Variants in ABCB5 observed in about 807,000 individuals in gnomAD.
ABCB5 encodes ATP-binding cassette sub-family B member 5.
Under a neutral mutation model 144.2 loss-of-function variants are expected in ABCB5, and 155 were observed. That is an observed-to-expected ratio of 1.08 (90% CI 0.94 to 1.23). The LOEUF (loss-of-function observed/expected upper bound fraction) is 1.23. Among genes scored for constraint, ABCB5 ranks in the 50% most tolerant of loss-of-function variants. The pLI is 0.00. For missense variants in ABCB5, 1,830 were observed against 1,520.8 expected (o/e 1.20, Z -3.38); for synonymous variants, 610 against 528.6 (o/e 1.15, Z -2.11).
chr7:20,667,453 A>G, intron 14 of ABCB5: 3 of 985,276 alleles, frequency 3.0e-6, no homozygotes, highest in Non-Finnish European at 3.6e-6. Context: ...TCTAGTTGCA[A>G]CCTTTTAATT....
chr7:20,679,934 C>T (rs146346886), intron 14 of ABCB5, among the ~76,000 whole-genome samples: 1 of 152,004 alleles, frequency 6.6e-6, no homozygotes, highest in African/African-American at 2.4e-5. Flanking sequence ...GAACTGTGTA[C>T]ATATGTTCAT....
chr7:20,684,957 C>T (rs1231869475), intron 15 of ABCB5, among the ~76,000 whole-genome samples: 8 of 152,208 alleles, frequency 5.3e-5, no homozygotes, highest in Non-Finnish European at 1.0e-4. Flanking sequence ...CTGGGAAAGT[C>T]ATTGATTTAC....
At chr7:20,665,245 G>T (rs1785135774) in intron 14 of ABCB5, among the ~76,000 whole-genome samples, 1 of 152,140 alleles carries the variant, frequency 6.6e-6, no homozygotes, top group Admixed American at 6.5e-5. Context: ...GGGTCAACGA[G>T]CAGGTGAGTC....
chr7:20,723,703 A>G (rs1212714746), intron 21 of ABCB5, among the ~76,000 whole-genome samples: 3 of 152,352 alleles, frequency 2.0e-5, no homozygotes, highest in East Asian at 3.9e-4. Context: ...AAACATCATC[A>G]TTCCCCATTT....
chr7:20,685,587 T>C (rs958767622), intron 15 of ABCB5, 109 bp from the exon 16 acceptor site: 13 of 974,574 alleles, frequency 1.3e-5, no homozygotes, highest in Middle Eastern at 3.1e-4. Context: ...CATTAGAATA[T>C]GCCACTTTCA....
intron 9 of ABCB5, 137 bp downstream of exon 9, chr7:20,646,275 T>G (rs1009124150): frequency 9.6e-6 from 8 of 833,792 alleles, no homozygotes; most frequent in African/African-American, 8.7e-5. Context: ...TCAAATTATC[T>G]GTATACACCT....
chr7:20,674,418 A>G (rs1472355998), intron 14 of ABCB5, among the ~76,000 whole-genome samples: 2 of 151,830 alleles, frequency 1.3e-5, no homozygotes, highest in East Asian at 1.9e-4. Context: ...TCTTCTTTAA[A>G]TACCTTAAAG....
At chr7:20,738,299 C>G (rs1782453522) in intron 23 of ABCB5, among the ~76,000 whole-genome samples, 1 of 152,206 alleles carries the variant, frequency 6.6e-6, no homozygotes, top group African/African-American at 2.4e-5. Flanking sequence ...TGGTCAGGTC[C>G]TGTGCCACAG....
intron 20 of ABCB5, among the ~76,000 whole-genome samples, chr7:20,718,841 T>A (rs761491324): frequency 2.0e-5 from 3 of 152,124 alleles, no homozygotes; most frequent in Non-Finnish European, 4.4e-5. Flanking sequence ...CCCTTCAAGT[T>A]GGGAGAATTA....
intron 25 of ABCB5, 50 bp from the exon 26 acceptor site, chr7:20,745,182 G>T (rs755336798): frequency 2.6e-6 from 4 of 1,546,252 alleles, no homozygotes; most frequent in Non-Finnish European, 3.6e-6. Context: ...ACTGTAACAT[G>T]ATACAGTTGT....
intron 26 of ABCB5, among the ~76,000 whole-genome samples, chr7:20,748,214 T>C (rs535672184): frequency 6.6e-6 from 1 of 152,236 alleles, no homozygotes; most frequent in South Asian, 2.1e-4. Context: ...AGAAGAGCAG[T>C]CCAAAGCAAC....
At chr7:20,678,233 A>T (rs1785676897) in intron 14 of ABCB5, among the ~76,000 whole-genome samples, 1 of 152,224 alleles carries the variant, frequency 6.6e-6, no homozygotes, top group African/African-American at 2.4e-5. Flanking sequence ...TATATCATAC[A>T]TCTTTTCCAC....
Position 20,643,338 on chromosome 7 carries a change from A to G in ABCB5, c.469A>G (p.Ser157Gly). Residue 157 changes from serine to glycine, a missense_variant, in exon 6 of 28, where the codon AGC (serine) becomes GGC (glycine). Transcript: ENST00000404938. Reference protein sequence around the residue: ...VLAQDIGWFDSCDIGELNTRM... With the variant: ...VLAQDIGWFDGCDIGELNTRM... ...GGCACAGGACATCGGCTGGTTTGAT[A>G]GCTGTGACATCGGTGAACTTAACAC... 1 of 1,613,972 alleles carries G rather than the reference A, an allele frequency of 6.2e-7. No homozygotes were observed. Among genetic ancestry groups the G allele is most frequent in the Non-Finnish European group, 8.5e-7 (1 of 1,179,888 alleles).
intron 26 of ABCB5, among the ~76,000 whole-genome samples, chr7:20,748,132 G>A (rs182331065): frequency 4.6e-5 from 7 of 152,292 alleles, no homozygotes; most frequent in Admixed American, 1.3e-4. Flanking sequence ...CTGAAGGGAC[G>A]GAAAGGGTTC....
intron 14 of ABCB5, chr7:20,667,350 G>C: frequency 2.0e-6 from 2 of 985,006 alleles, no homozygotes; most frequent in Non-Finnish European, 2.4e-6. Context: ...CCCCTGTGAA[G>C]AAAAGAAGGT....
At position 20,683,827 on chromosome 7, in the gene ABCB5, C is replaced by T. The variant is rs140146927; in HGVS notation, c.1870-1869C>T. 4.7e-4 allele frequency among the ~76,000 whole-genome samples: 72 copies of T among 152,166 alleles called. No individual in the cohort carries two copies. In the South Asian group the frequency reaches 1.0e-2, roughly 21 times the overall value. ...CATTCTTATTTGCCAAGATTGACTG[C>T]GGTATCAAAATGTGTCAATTTTGAT... On this transcript the variant is annotated intron_variant, in intron 15 of 27. Transcript: ENST00000404938.
At position 20,702,897 on chromosome 7, in the gene ABCB5, C is replaced by T. The variant is rs1165331646; in HGVS notation, c.2338-1827C>T. ...TTCACCATGTTAGCCAAGATGGTCT[C>T]GATCTCCTGACCTCGTGATCCACCC... On this transcript the variant is annotated intron_variant, in intron 19 of 27. Transcript: ENST00000404938. 2.1e-5 allele frequency among the ~76,000 whole-genome samples: 3 copies of T among 145,724 alleles called. No individual in the cohort carries two copies. In the East Asian group the frequency reaches 6.1e-4, roughly 29 times the overall value.
At chr7:20,710,686 G>A (rs1424373675) in intron 20 of ABCB5, among the ~76,000 whole-genome samples, 2 of 149,724 alleles carry the variant, frequency 1.3e-5, no homozygotes, top group East Asian at 4.0e-4. Context: ...TTCTATTTGT[G>A]TGTCTGTATT....
intron 1 of ABCB5, among the ~76,000 whole-genome samples, chr7:20,619,650 T>C (rs967861413): frequency 3.3e-5 from 5 of 152,168 alleles, no homozygotes; most frequent in Non-Finnish European, 5.9e-5. Context: ...TTTGTTGAAG[T>C]TTCTCTTGCT....
Sources: gnomAD v4.1 joint callset for allele counts (sites outside exome capture counted in the v4.1 genomes callset) on GRCh38, gnomAD v4.1.1 for gene constraint, MANE v1.5 for transcripts, NCBI Gene and HGNC (gene_info 2026-07-23, HGNC 2026-07-21) for gene names.